Variants in MYOM2 observed in about 807,000 individuals in gnomAD.
The protein encoded by MYOM2 is myomesin 2, also known as myomesin-2.
In MYOM2, 254 loss-of-function variants were observed where a neutral mutation model predicts 187.6. The ratio of observed to expected loss-of-function variants is 1.35; its 90% CI spans 1.22 to 1.50. MYOM2 has a LOEUF of 1.50. Ranked by LOEUF, MYOM2 falls within the 40% of genes most tolerant of loss-of-function variation. The pLI, the probability that MYOM2 is intolerant of heterozygous loss-of-function variation, is 0.00. For synonymous variants in MYOM2, 981 were observed against 753.8 expected (o/e 1.30, Z -4.94); for missense variants, 2,796 against 1,924.0 (o/e 1.45, Z -8.48).
At chr8:2,132,347 A>C (rs757680190) in intron 32 of MYOM2, among the ~76,000 whole-genome samples, 1 of 152,222 alleles carries the variant, frequency 6.6e-6, no homozygotes, top group Non-Finnish European at 1.5e-5. Context: ...TGAGTAATAC[A>C]TCAGAGGCTA....
intron 32 of MYOM2, among the ~76,000 whole-genome samples, chr8:2,134,038 G>A (rs1797969559): frequency 6.6e-6 from 1 of 152,148 alleles, no homozygotes; most frequent in African/African-American, 2.4e-5. Flanking sequence ...GTCTTCCCCT[G>A]AGGTTAGTGT....
rs1372950649 is a variant in MYOM2 at position 2,109,334 on chromosome 8, AG to A, written c.3044-59del. ...GGATTGATATTTCCCTACAATTTGC[AG>A]GTATTCTTCCTCACAAGGATTCATG... On this transcript the variant is annotated intron_variant, in intron 24 of 36. Transcript: ENST00000262113. The A allele has an allele frequency of 3.3e-6, 5 of 1,495,910 alleles. No individual in the cohort carries two copies. In the African/African-American group the frequency reaches 7.1e-5, roughly 21 times the overall value. The allele number at this position is 1,495,910 out of a possible 1,614,324, so 92.7% of individuals were successfully genotyped here.
At chr8:2,071,981 T>C (rs907073809) in intron 8 of MYOM2, among the ~76,000 whole-genome samples, 5 of 152,104 alleles carry the variant, frequency 3.3e-5, no homozygotes, top group African/African-American at 9.7e-5. Context: ...CACCGTCCCA[T>C]TGAGGGTCAG....
In MYOM2 at chr8:2,098,902, G is replaced by A. The variant is rs905158337; in HGVS notation, c.2359G>A (p.Ala787Thr). The change falls in exon 19 of 37, where the codon GCC becomes ACC. Residue 787 changes from alanine (A) to threonine (T), a missense_variant. By Grantham distance (58) the Ala-to-Thr change is moderately conservative. Coordinates refer to ENST00000262113, the MANE Select transcript of MYOM2 (RefSeq NM_003970.4). Reference sequence around the variant, plus strand: ...CTCACTCTACGAGTTCAAAATCGCCGCCGTCAACCTGGCCGGCATCGGGGA... The same window carrying A: ...CTCACTCTACGAGTTCAAAATCGCCACCGTCAACCTGGCCGGCATCGGGGA... ...EGSLYEFKIA[A>T]VNLAGIGEPS... 5.6e-6 allele frequency: 9 copies of A among 1,613,022 alleles called. No homozygotes were observed. Among genetic ancestry groups the A allele is most frequent in the South Asian group, 1.1e-5 (1 of 90,776 alleles).
chr8:2,069,435 G>A lies in MYOM2; in HGVS notation c.743-12G>A, dbSNP rs1219986604. The stretch of plus-strand genomic sequence containing the variant: ...TTCTCTTTTCTGCTGCACTCACTTT[G>A]CTGTCTTGCAGGGTTCCGGGGAGAC... On this transcript the variant is annotated splice_polypyrimidine_tract_variant and intron_variant, in intron 7 of 36. Coordinates refer to ENST00000262113, the MANE Select transcript of MYOM2 (RefSeq NM_003970.4). 1 of 1,614,066 alleles carries A rather than the reference G, an allele frequency of 6.2e-7. No individual in the cohort carries two copies. The highest frequency in any genetic ancestry group is 1.3e-5 in the African/African-American group (1 of 74,946).
chr8:2,092,114 G>A (rs1259453341), intron 15 of MYOM2, among the ~76,000 whole-genome samples: 1 of 152,080 alleles, frequency 6.6e-6, no homozygotes. Flanking sequence ...GTCATCCTGT[G>A]TCTCTAGGAG....
At chr8:2,053,819 T>C (rs967153189) in intron 3 of MYOM2, among the ~76,000 whole-genome samples, 4 of 152,208 alleles carry the variant, frequency 2.6e-5, no homozygotes, top group African/African-American at 9.6e-5. Flanking sequence ...GCTCATGCTC[T>C]CCATGAGATT....
At chr8:2,059,280 C>T (rs1174946036) in intron 6 of MYOM2, 35 bp downstream of exon 6, 1 of 1,591,158 alleles carries the variant, frequency 6.3e-7, no homozygotes, top group Non-Finnish European at 8.6e-7. Flanking sequence ...ACGCTGGCGT[C>T]CAGTAATCAG....
At chr8:2,122,423 G>C (rs1024559039) in intron 28 of MYOM2, among the ~76,000 whole-genome samples, 1 of 152,244 alleles carries the variant, frequency 6.6e-6, no homozygotes, top group African/African-American at 2.4e-5. Context: ...CTGCTTCACA[G>C]AGATTCAGTC....
rs764475496 is a variant in MYOM2, at chr8:2,079,591, C to T, written c.1494C>T (p.Ala498=). The T allele has an allele frequency of 4.5e-5, 73 of 1,614,098 alleles. 1 individual carries two copies. The South Asian group carries it at 8.0e-4, about 18-fold the overall frequency. ...ATTTGGAGGGAGAGAAGGAGATTGC[C>T]ATTTATCAGGATGACCTTGAAGGTA... ...AVHLEGEKEI[A]IYQDDLEGDA... is the part of the protein sequence containing the mutation. The change falls in exon 13 of 37, where the codon GCC becomes GCT. Residue 498 remains alanine (A), a synonymous_variant. Coordinates refer to ENST00000262113, the MANE Select transcript of MYOM2 (RefSeq NM_003970.4).
intron 8 of MYOM2, among the ~76,000 whole-genome samples, chr8:2,070,199 G>A (rs1199209644): frequency 2.6e-5 from 4 of 152,248 alleles, no homozygotes; most frequent in Middle Eastern, 3.2e-3. Context: ...TTATGGCTTG[G>A]GAGTGAGTTT....
In MYOM2 at chr8:2,073,383, G is replaced by A. The variant is rs766686706; in HGVS notation, c.1003G>A (p.Glu335Lys). 5 of 1,613,266 alleles carry A rather than the reference G, an allele frequency of 3.1e-6. No homozygotes were observed. The highest frequency in any genetic ancestry group is 4.5e-5 in the East Asian group (2 of 44,854). The change falls in exon 10 of 37, where the codon GAA becomes AAA. Residue 335 changes from glutamate to lysine, a missense_variant. Physicochemically the swap from Glu to Lys is moderately conservative, Grantham distance 56. Coordinates refer to ENST00000262113, the MANE Select transcript of MYOM2 (RefSeq NM_003970.4). ...CAAGTGGACGAAGATGTTCTTTGGA[G>A]AAGGCCAGGCCTCCCTGTCCTTCAG... ...ESKWTKMFFGEGQASLSFSHL... is the reference protein window; with the variant it reads ...ESKWTKMFFGKGQASLSFSHL...
At chr8:2,053,911 T>C (rs7464436) in intron 3 of MYOM2, among the ~76,000 whole-genome samples, 95,126 of 152,094 alleles carry the variant, frequency 0.63, 31,967 homozygotes, top group East Asian at 0.93. Flanking sequence ...AAATCAGTTC[T>C]TTCCTCCTTT....
In MYOM2 at chr8:2,078,806, A is replaced by G. The variant is rs1311950757; in HGVS notation, c.1335A>G (p.Thr445=). ...TGAAAATCTGCAAATACCCGGTCACAGGGCTTTTTGAAGGAAGGTCTTACA... is the reference window on the plus strand; with the variant it reads ...TGAAAATCTGCAAATACCCGGTCACGGGGCTTTTTGAAGGAAGGTCTTACA... ...APVKICKYPV[T]GLFEGRSYIF... The change falls in exon 12 of 37, where the codon ACA becomes ACG. Residue 445 remains threonine (T), a synonymous_variant. Coordinates refer to ENST00000262113, the MANE Select transcript of MYOM2 (RefSeq NM_003970.4). The G allele has an allele frequency of 3.1e-6, 5 of 1,614,168 alleles. No homozygotes were observed. Among genetic ancestry groups the G allele is most frequent in the East Asian group, 2.2e-5 (1 of 44,866 alleles).
intron 32 of MYOM2, among the ~76,000 whole-genome samples, chr8:2,134,083 C>G (rs542212812): frequency 6.6e-6 from 1 of 150,516 alleles, no homozygotes; most frequent in Non-Finnish European, 1.5e-5. Flanking sequence ...CAAAACCAGG[C>G]GCTGAATGAT....
chr8:2,128,920 A>G (rs1011729564), intron 31 of MYOM2, among the ~76,000 whole-genome samples: 1 of 152,234 alleles, frequency 6.6e-6, no homozygotes, highest in Non-Finnish European at 1.5e-5. Context: ...AGCTTTTCAG[A>G]TAATTCTAGC....
At chr8:2,113,591 G>C (rs895363453) in intron 25 of MYOM2, among the ~76,000 whole-genome samples, 1 of 152,168 alleles carries the variant, frequency 6.6e-6, no homozygotes, top group African/African-American at 2.4e-5. Context: ...AGGAAGGACC[G>C]ACTGGGACAG....
At chr8:2,110,997 A>G (rs975902760) in intron 25 of MYOM2, among the ~76,000 whole-genome samples, 1 of 152,226 alleles carries the variant, frequency 6.6e-6, no homozygotes, top group African/African-American at 2.4e-5. Flanking sequence ...TGGTATAACT[A>G]TTGCCTATGG....
intron 9 of MYOM2, among the ~76,000 whole-genome samples, chr8:2,073,119 A>G (rs576803584): frequency 1.3e-5 from 2 of 152,260 alleles, no homozygotes; most frequent in South Asian, 4.1e-4. Context: ...ACTTTGACCC[A>G]CTCAAGTGGC....
Sources: gnomAD v4.1 joint callset for allele counts (sites outside exome capture counted in the v4.1 genomes callset) on GRCh38, gnomAD v4.1.1 for gene constraint, MANE v1.5 for transcripts, NCBI Gene and HGNC (gene_info 2026-07-23, HGNC 2026-07-21) for gene names.